MKLN1: variants seen among roughly 807,000 people sequenced by gnomAD.
MKLN1 encodes muskelin 1.
MKLN1 carries 18 observed loss-of-function variants against 99.0 expected under a neutral mutation model. That is an observed-to-expected ratio of 0.18 (90% CI 0.13 to 0.27). MKLN1 has a LOEUF of 0.27. Among genes scored for constraint, MKLN1 ranks in the 10% least tolerant of loss-of-function variants. The pLI, the probability that MKLN1 is intolerant of heterozygous loss-of-function variation, is 1.00. For synonymous variants in MKLN1, 288 were observed against 293.2 expected, an observed-to-expected ratio of 0.98 and a Z score of 0.18; for missense variants, 621 against 875.9, an observed-to-expected ratio of 0.71 and a Z score of 3.67.
intron 3 of MKLN1, among the ~76,000 whole-genome samples, chr7:131,245,120 A>T (rs1797466044): frequency 6.6e-6 from 1 of 152,194 alleles, no homozygotes; most frequent in South Asian, 2.1e-4. Context: ...CACGGTCAAA[A>T]ATATCAGAAC....
chr7:131,186,602 C>T (rs7798605), intron 2 of MKLN1, among the ~76,000 whole-genome samples: 51,710 of 151,974 alleles, frequency 0.34, 9,070 homozygotes, highest in East Asian at 0.57. Context: ...AGTGGGCTTA[C>T]GGTCTGTTTT....
At chr7:131,368,642 A>G (rs372511169) in intron 1 of MKLN1, among the ~76,000 whole-genome samples, 4 of 152,158 alleles carry the variant, frequency 2.6e-5, no homozygotes, top group African/African-American at 9.6e-5. Context: ...GCATGGGGGA[A>G]ATTCGCCCCC....
chr7:131,389,856 T>A (rs1406254317), intron 4 of MKLN1, among the ~76,000 whole-genome samples: 1 of 150,874 alleles, frequency 6.6e-6, no homozygotes, highest in East Asian at 1.9e-4. Flanking sequence ...GCCACTGCAC[T>A]CCAGCCTGGG....
At chr7:131,278,018 C>T (rs1288539397) in intron 3 of MKLN1, among the ~76,000 whole-genome samples, 3 of 151,340 alleles carry the variant, frequency 2.0e-5, no homozygotes, top group Admixed American at 6.6e-5. Flanking sequence ...CTCTCTTTTC[C>T]CCTCCTTTTC....
At chr7:131,126,647 G>C (rs188776835) in intron 1 of MKLN1, among the ~76,000 whole-genome samples, 1 of 152,030 alleles carries the variant, frequency 6.6e-6, no homozygotes, top group African/African-American at 2.4e-5. Context: ...TCTGCCTCCC[G>C]GGTTCAAGCA....
intron 16 of MKLN1, chr7:131,471,826 AT>A (rs1273701054): frequency 6.6e-6 from 1 of 152,218 alleles, no homozygotes; most frequent in Non-Finnish European, 1.5e-5. Context: ...CAGGTGTCAG[AT>A]TTAATGTTGA....
intron 1 of MKLN1, among the ~76,000 whole-genome samples, chr7:131,346,473 GA>G (rs1799564856): frequency 1.3e-5 from 2 of 150,642 alleles, no homozygotes; most frequent in South Asian, 4.2e-4. Context: ...AGTGAGCTGA[GA>G]TTGCACCACT....
chr7:131,400,518 A>AAAAAATATATAT (rs527702723), intron 6 of MKLN1, among the ~76,000 whole-genome samples: 2 of 137,436 alleles, frequency 1.5e-5, no homozygotes, highest in African/African-American at 2.8e-5. Context: ...ATAAAAAAAA[A>AAAAAATATATAT]ATATATATAT....
intron 3 of MKLN1, among the ~76,000 whole-genome samples, chr7:131,275,365 G>GTTTTTTT (rs909251138): frequency 1.9e-5 from 2 of 105,204 alleles, no homozygotes; most frequent in Non-Finnish European, 3.8e-5. Flanking sequence ...GTTGTTGTTG[G>GTTTTTTT]TTTTTTTTTT....
intron 3 of MKLN1, among the ~76,000 whole-genome samples, chr7:131,225,976 A>C (rs1584849932): frequency 6.6e-6 from 1 of 150,946 alleles, no homozygotes. Context: ...AGCCCTTCCT[A>C]CTCCCTCAGA....
chr7:131,210,255 G>A (rs1374915258), intron 3 of MKLN1, among the ~76,000 whole-genome samples: 2 of 152,168 alleles, frequency 1.3e-5, no homozygotes, highest in African/African-American at 2.4e-5. Flanking sequence ...CATTGGCTGG[G>A]CATGGTGGCT....
chr7:131,393,647 G>A (rs1179304135), intron 4 of MKLN1, among the ~76,000 whole-genome samples: 1 of 152,016 alleles, frequency 6.6e-6, no homozygotes, highest in Non-Finnish European at 1.5e-5. Context: ...TTTTTTAAGA[G>A]ACAGGGTCTT....
intron 3 of MKLN1, among the ~76,000 whole-genome samples, chr7:131,286,356 C>T (rs1247481309): frequency 6.6e-6 from 1 of 152,134 alleles, no homozygotes; most frequent in African/African-American, 2.4e-5. Context: ...TTAATTATCC[C>T]CTGCCTTTTC....
chr7:131,290,903 G>A (rs1224813051), intron 3 of MKLN1, among the ~76,000 whole-genome samples: 5 of 152,088 alleles, frequency 3.3e-5, no homozygotes, highest in Admixed American at 2.6e-4. Flanking sequence ...TTATCATCAG[G>A]ATATGGAAAG....
At chr7:131,392,234 C>T (rs1794215839) in intron 4 of MKLN1, among the ~76,000 whole-genome samples, 1 of 151,934 alleles carries the variant, frequency 6.6e-6, no homozygotes, top group Non-Finnish European at 1.5e-5. Flanking sequence ...CAGGGGGAGT[C>T]TTGGTTTTTG....
intron 10 of MKLN1, among the ~76,000 whole-genome samples, chr7:131,439,865 AACACACACACACACACACACACAC>A (rs57399724): frequency 0.019 from 2,801 of 146,308 alleles, 84 homozygotes; most frequent in African/African-American, 0.064. Flanking sequence ...AAAAGATTTA[AACACACACACACACACACACACAC>A]ACACACACAC....
At position 131,238,079 on chromosome 7, in the gene MKLN1, G is replaced by A. The variant is rs568411723; in HGVS notation, c.-179+35105G>A. Among the ~76,000 whole-genome samples, 105 of 152,096 alleles carry A rather than the reference G, an allele frequency of 6.9e-4. 1 individual carries two copies. The highest frequency in any genetic ancestry group is 2.5e-3 in the African/African-American group (102 of 41,488). ...CGAGAATCACTTGAACCCAGGAGGC[G>A]GAGGTTGCAGTGAGCTGAGATCATG... is the stretch of plus-strand genomic sequence containing the variant. On this transcript the variant is annotated intron_variant, in intron 3 of 7. Coordinates refer to the MKLN1 transcript ENST00000416992.
intron 3 of MKLN1, among the ~76,000 whole-genome samples, chr7:131,240,508 T>C (rs1342574203): frequency 2.0e-5 from 3 of 152,210 alleles, no homozygotes; most frequent in African/African-American, 4.8e-5. Context: ...TGAAAAATAC[T>C]ATCTAATATA....
chr7:131,208,860 A>G (rs1239912431), intron 3 of MKLN1, among the ~76,000 whole-genome samples: 2 of 152,162 alleles, frequency 1.3e-5, no homozygotes, highest in African/African-American at 4.8e-5. Context: ...CGTGATACAT[A>G]AAGAGGTAAA....
Sources: gnomAD v4.1 joint callset for allele counts (sites outside exome capture counted in the v4.1 genomes callset) on GRCh38, gnomAD v4.1.1 for gene constraint, MANE v1.5 for transcripts, NCBI Gene and HGNC (gene_info 2026-07-23, HGNC 2026-07-21) for gene names.